The following PSEN1 variants were observed in gnomAD, a reference collection of about 807,000 sequenced individuals.
The protein encoded by PSEN1 is presenilin 1.
PSEN1 carries 15 observed loss-of-function variants against 53.5 expected under a neutral mutation model. That is an observed-to-expected ratio of 0.28 (90% CI 0.19 to 0.43). PSEN1 has a LOEUF of 0.43. Among genes scored for constraint, PSEN1 ranks in the 20% least tolerant of loss-of-function variants. The pLI is 1.00. For synonymous variants in PSEN1, 208 were observed against 209.8 expected, an observed-to-expected ratio of 0.99 and a Z score of 0.08; for missense variants, 387 against 571.2, an observed-to-expected ratio of 0.68 and a Z score of 3.29.
At chr14:73,182,710 G>A (rs1184227635) in intron 5 of PSEN1, among the ~76,000 whole-genome samples, 1 of 151,988 alleles carries the variant, frequency 6.6e-6, no homozygotes, top group Non-Finnish European at 1.5e-5. Context: ...TTGGTGGTGG[G>A]TGCCTGTAAT....
intron 3 of PSEN1, among the ~76,000 whole-genome samples, chr14:73,160,908 T>C (rs1897513621): frequency 6.8e-6 from 1 of 146,698 alleles, no homozygotes; most frequent in Non-Finnish European, 1.5e-5. Context: ...GCCGGGTTCA[T>C]GCTATTGTAG....
At chr14:73,166,071 A>G (rs908042230) in intron 3 of PSEN1, among the ~76,000 whole-genome samples, 1 of 150,684 alleles carries the variant, frequency 6.6e-6, no homozygotes, top group Admixed American at 6.6e-5. Flanking sequence ...TAATAATAAT[A>G]AAATAAAAAT....
chr14:73,176,034 C>T (rs1007021014), intron 5 of PSEN1, among the ~76,000 whole-genome samples: 9 of 152,200 alleles, frequency 5.9e-5, no homozygotes, highest in Middle Eastern at 3.2e-3. Flanking sequence ...ATATCACATA[C>T]CTTTTCAATG....
At chr14:73,173,312 A>G (rs1243707327) in intron 4 of PSEN1, among the ~76,000 whole-genome samples, 1 of 152,232 alleles carries the variant, frequency 6.6e-6, no homozygotes, top group Non-Finnish European at 1.5e-5. Flanking sequence ...TAAAGCACCC[A>G]CTAGATGGAG....
At chr14:73,198,480 T>C (rs1274576582) in intron 8 of PSEN1, among the ~76,000 whole-genome samples, 3 of 152,164 alleles carry the variant, frequency 2.0e-5, no homozygotes, top group Non-Finnish European at 4.4e-5. Context: ...GGAACTGAGA[T>C]TGTTGAGCAG....
At chr14:73,208,184 CCTT>C (rs1469673550) in intron 9 of PSEN1, among the ~76,000 whole-genome samples, 2 of 152,186 alleles carry the variant, frequency 1.3e-5, no homozygotes, top group African/African-American at 2.4e-5. Context: ...TCTCTTCTCT[CCTT>C]CTCGCCACCT....
At chr14:73,180,511 T>C (rs374082928) in intron 5 of PSEN1, among the ~76,000 whole-genome samples, 2 of 152,254 alleles carry the variant, frequency 1.3e-5, no homozygotes, top group South Asian at 4.1e-4. Context: ...TGAGGATTTT[T>C]CATATCAGTG....
intron 5 of PSEN1, chr14:73,173,937 C>A: frequency 1.6e-6 from 1 of 622,248 alleles, no homozygotes; most frequent in Non-Finnish European, 2.8e-6. Flanking sequence ...ATCACTTGGG[C>A]CCAGGAGTTC....
At chr14:73,215,439 C>T (rs1038894039) in intron 10 of PSEN1, among the ~76,000 whole-genome samples, 3 of 151,418 alleles carry the variant, frequency 2.0e-5, no homozygotes, top group Non-Finnish European at 2.9e-5. Context: ...CAAAATTAGC[C>T]GGGCGTGGTG....
chr14:73,152,173 A>G (rs1897250644), intron 3 of PSEN1, among the ~76,000 whole-genome samples: 1 of 150,388 alleles, frequency 6.6e-6, no homozygotes, highest in African/African-American at 2.4e-5. Flanking sequence ...CGGCCTCCCA[A>G]AGTTTTTTTA....
chr14:73,160,167 T>C (rs1594981200), intron 3 of PSEN1: 1 of 167,822 alleles, frequency 6.0e-6, no homozygotes, highest in South Asian at 1.1e-4. Context: ...TATTTCTCTT[T>C]TAGTGACTTG....
intron 1 of PSEN1, among the ~76,000 whole-genome samples, chr14:73,144,062 A>G (rs1243126480): frequency 1.8e-4 from 17 of 94,338 alleles, no homozygotes; most frequent in African/African-American, 6.2e-4. Flanking sequence ...TTTTTTTGAG[A>G]TGGAGTCTCA....
At chr14:73,184,830 G>T (rs1345534142) in intron 5 of PSEN1, among the ~76,000 whole-genome samples, 1 of 142,096 alleles carries the variant, frequency 7.0e-6, no homozygotes, top group East Asian at 2.2e-4. Context: ...CCGGGCGGAG[G>T]GGCTCCTCAC....
intron 9 of PSEN1, among the ~76,000 whole-genome samples, chr14:73,211,141 T>C (rs1899660660): frequency 1.3e-5 from 2 of 152,210 alleles, no homozygotes; most frequent in African/African-American, 4.8e-5. Context: ...AAATTTATTC[T>C]TTCACGTGAC....
intron 3 of PSEN1, among the ~76,000 whole-genome samples, chr14:73,165,225 G>C (rs941391597): frequency 6.6e-5 from 10 of 151,976 alleles, no homozygotes; most frequent in African/African-American, 4.8e-5. Flanking sequence ...CAGAGTGCTG[G>C]GATTACAGGC....
chr14:73,193,549 CAA>C (rs372716222), intron 7 of PSEN1, among the ~76,000 whole-genome samples: 6,642 of 93,240 alleles, frequency 0.071, 107 homozygotes, highest in Non-Finnish European at 0.1. Context: ...GACTCTGTCT[CAA>C]AAAAAAAAAA....
chr14:73,156,838 A>G (rs1004329653), intron 3 of PSEN1, among the ~76,000 whole-genome samples: 1 of 151,248 alleles, frequency 6.6e-6, no homozygotes, highest in Non-Finnish European at 1.5e-5. Flanking sequence ...AATTTTTTGT[A>G]ATTTTAGTAG....
chr14:73,169,325 C>T (rs1277027383), intron 3 of PSEN1: 3 of 152,200 alleles, frequency 2.0e-5, no homozygotes, highest in African/African-American at 4.8e-5. Flanking sequence ...TTACACTTCT[C>T]TCCTTGGTCA....
intron 3 of PSEN1, among the ~76,000 whole-genome samples, chr14:73,166,922 T>G (rs1347791261): frequency 6.6e-6 from 1 of 152,226 alleles, no homozygotes; most frequent in East Asian, 1.9e-4. Context: ...AACGCCAGCC[T>G]CGGTCTTTTT....
Sources: allele counts gnomAD v4.1 joint callset (sites outside exome capture counted in the v4.1 genomes callset), GRCh38; gene constraint gnomAD v4.1.1; transcripts MANE v1.5; gene names NCBI Gene and HGNC (gene_info 2026-07-23, HGNC 2026-07-21).